PFKFB1: variants seen among roughly 807,000 people sequenced by gnomAD.
The protein encoded by PFKFB1 is 6-phosphofructo-2-kinase/fructose-2,6-biphosphatase 1, also known as 6-phosphofructo-2-kinase/fructose-2,6-bisphosphatase 1.
A neutral mutation model predicts 46.4 loss-of-function variants in PFKFB1; 34 were observed. The ratio of observed to expected loss-of-function variants is 0.73; its 90% CI spans 0.56 to 0.98. The LOEUF (loss-of-function observed/expected upper bound fraction) is 0.98. Among genes scored for constraint, PFKFB1 ranks in the 50% least tolerant of loss-of-function variants. The pLI is 0.00. For missense variants in PFKFB1, 393 were observed against 376.3 expected, an observed-to-expected ratio of 1.04 and a Z score of -0.37; for synonymous variants, 119 against 133.8, an observed-to-expected ratio of 0.89 and a Z score of 0.76.
chrX:54,933,528 C>G, intron 13 of PFKFB1, 66 bp from the exon 14 acceptor site: 2 of 885,522 alleles, frequency 2.3e-6, no homozygotes, highest in Non-Finnish European at 1.7e-6. Context: ...TCTCCCCTGC[C>G]TCTTGTCTTC....
Position 54,949,217 on chromosome X carries a change from G to A in PFKFB1, c.851C>T (p.Ala284Val). Residue 284 changes from alanine (A) to valine (V), a missense_variant, in exon 9 of 14, where the codon GCC becomes GTC. Ala to Val is a moderately conservative substitution (Grantham distance 64). Transcript: ENST00000375006. ...CTGAATGAAGTTGGCCAGGGCATAG[G>A]CATACTAGGATGTGGGGATGCAGAG... ...SGLSVRGKQYAYALANFIQSQ... is the reference protein window; with the variant it reads ...SGLSVRGKQYVYALANFIQSQ... 8.3e-7 allele frequency: 1 copy of A among 1,198,126 alleles called. No homozygotes were observed. The highest frequency in any genetic ancestry group is 1.1e-6 in the Non-Finnish European group (1 of 886,826).
chrX:54,935,601 GC>G (rs773589385), intron 11 of PFKFB1, among the ~76,000 whole-genome samples: 285 of 112,554 alleles, frequency 2.5e-3, no homozygotes, highest in African/African-American at 8.6e-3. Context: ...TCTCAGGCAA[GC>G]CCAAGAGGTG....
In PFKFB1 at chrX:54,963,275, T is replaced by G. The variant is rs1241263594; in HGVS notation, c.205A>C (p.Ile69Leu). Residue 69 changes from isoleucine (I) to leucine (L), a missense_variant, in exon 2 of 14, where the codon ATA (isoleucine) becomes CTA (leucine). By Grantham distance (5) the Ile-to-Leu change is conservative. Coordinates refer to ENST00000375006, the MANE Select transcript of PFKFB1 (RefSeq NM_002625.4). ...STKLTRYLNW[I>L]GTPTKVFNLG... is the part of the protein sequence containing the mutation. ...GACATACCTTTAGTTGGTGTTCCTA[T>G]CCAGTTGAGATATCGTGTGAGCTTT... 3 of 1,210,201 alleles carry G rather than the reference T, an allele frequency of 2.5e-6. No individual in the cohort carries two copies. Among genetic ancestry groups the G allele is most frequent in the Non-Finnish European group, 3.4e-6 (3 of 894,214 alleles).
At position 54,994,083 on chromosome X, in the gene PFKFB1, C is replaced by T; in HGVS notation, c.-76G>A. The T allele has an allele frequency of 1.5e-5, 17 of 1,152,396 alleles. No homozygotes were observed. The highest frequency in any genetic ancestry group is 2.0e-5 in the Non-Finnish European group (17 of 864,853). The allele number at this position is 1,152,396 out of a possible 1,213,427, so 95.0% of individuals were successfully genotyped here. On this transcript the variant is annotated 5_prime_UTR_variant, in exon 1 of 14. Transcript: ENST00000375006. ...CTTCCTATCTTACTAGCTGTCTTTT[C>T]TCTCGCTGTGGCCACAGCAGCAGGT...
chrX:54,977,409 T>C (rs4421487), intron 1 of PFKFB1, among the ~76,000 whole-genome samples: 10,535 of 108,654 alleles, frequency 0.097, 606 homozygotes, highest in Non-Finnish European at 0.15. Flanking sequence ...AATAAATAAA[T>C]AAACAAACAA....
chrX:54,992,011 C>G (rs1371368144), intron 1 of PFKFB1, among the ~76,000 whole-genome samples: 1 of 111,905 alleles, frequency 8.9e-6, no homozygotes, highest in East Asian at 2.8e-4. Context: ...ACTGGCCTCC[C>G]TAGCAAGAAG....
chrX:54,996,962 C>T (rs1268442307), upstream of PFKFB1, among the ~76,000 whole-genome samples: 3 of 111,172 alleles, frequency 2.7e-5, no homozygotes, highest in African/African-American at 9.8e-5. Flanking sequence ...AGCAAGTATC[C>T]ACCAGTATTT....
At chrX:54,980,550 C>T (rs1201692857) in intron 1 of PFKFB1, among the ~76,000 whole-genome samples, 5 of 110,431 alleles carry the variant, frequency 4.5e-5, no homozygotes, top group Non-Finnish European at 7.6e-5. Context: ...ACGTAATCAG[C>T]GGGTGAAGAA....
At position 54,973,801 on chromosome X, in the gene PFKFB1, A is replaced by C. The variant is rs1201594042; in HGVS notation, c.98-10419T>G. Among the ~76,000 whole-genome samples, 3 of 111,620 alleles carry C rather than the reference A, an allele frequency of 2.7e-5. No homozygotes were observed. In the East Asian group the frequency reaches 8.4e-4, roughly 31 times the overall value. On this transcript the variant is annotated intron_variant, in intron 1 of 13. Transcript: ENST00000375006. ...GGAATAGGTGTGGTGTGGTGCTGGA[A>C]AAAATGTATATTCTGTTGATTTGGG...
chrX:54,989,771 T>C (rs1414416479), intron 1 of PFKFB1, among the ~76,000 whole-genome samples: 4 of 111,887 alleles, frequency 3.6e-5, no homozygotes, highest in Non-Finnish European at 5.6e-5. Context: ...CACTGATCTA[T>C]CAAAACAGAA....
intron 1 of PFKFB1, 22 bp from the exon 2 acceptor site, chrX:54,963,404 A>C (rs1338851506): frequency 8.3e-7 from 1 of 1,205,019 alleles, no homozygotes; most frequent in Admixed American, 2.2e-5. Flanking sequence ...ACAGACCCTC[A>C]AAAGCTTATC....
chrX:54,940,403 AGG>A (rs1933577832), intron 10 of PFKFB1, among the ~76,000 whole-genome samples: 1 of 111,842 alleles, frequency 8.9e-6, no homozygotes, highest in African/African-American at 3.3e-5. Flanking sequence ...GCAGTCAGGC[AGG>A]AGAGAGAAAT....
chrX:54,935,056 G>C, intron 11 of PFKFB1, 47 bp from the exon 12 acceptor site: 1 of 995,869 alleles, frequency 1.0e-6, no homozygotes, highest in Non-Finnish European at 1.4e-6. Context: ...TGCTGGCCAG[G>C]ACACAGCCTC....
chrX:54,959,880 C>T lies in PFKFB1; in HGVS notation c.331G>A (p.Ala111Thr), dbSNP rs1934259137. 4.2e-6 allele frequency: 5 copies of T among 1,198,653 alleles called. No individual in the cohort carries two copies. Among genetic ancestry groups the T allele is most frequent in the African/African-American group, 3.5e-5 (2 of 57,051 alleles). Residue 111 changes from alanine (A) to threonine (T), a missense_variant, in exon 4 of 14, where the codon GCA becomes ACA. Transcript: ENST00000375006. The stretch of plus-strand genomic sequence containing the variant: ...TAGTTGTGAACATCCTTCAGGGCTG[C>T]CAGGGCGCACTGCCTGAAATAGACC... Reference protein sequence around the residue: ...ALQIRKQCALAALKDVHNYLS... With the variant: ...ALQIRKQCALTALKDVHNYLS...
intron 9 of PFKFB1, among the ~76,000 whole-genome samples, 158 bp from the exon 10 acceptor site, chrX:54,945,701 C>CGTGTGT (rs72018084): frequency 9.8e-4 from 100 of 101,768 alleles, no homozygotes; most frequent in African/African-American, 3.5e-3. Context: ...AGTGTGTATG[C>CGTGTGT]GTGTGTGTGT....
intron 1 of PFKFB1, among the ~76,000 whole-genome samples, chrX:54,975,397 G>A (rs533311239): frequency 9.0e-6 from 1 of 110,575 alleles, no homozygotes; most frequent in South Asian, 3.9e-4. Flanking sequence ...ACCAAATATT[G>A]TTATGTTCTC....
intron 1 of PFKFB1, among the ~76,000 whole-genome samples, chrX:54,966,355 T>C (rs1934474644): frequency 8.9e-6 from 1 of 112,105 alleles, no homozygotes; most frequent in Admixed American, 9.5e-5. Flanking sequence ...ACTAAACAAT[T>C]GCAAATTCAA....
intron 2 of PFKFB1, among the ~76,000 whole-genome samples, chrX:54,961,411 T>C (rs1253296080): frequency 9.0e-6 from 1 of 111,637 alleles, no homozygotes; most frequent in Non-Finnish European, 1.9e-5. Flanking sequence ...TTTATTTTTC[T>C]ATATTATGAG....
At chrX:54,940,018 C>A (rs1933561959) in intron 10 of PFKFB1, among the ~76,000 whole-genome samples, 1 of 111,881 alleles carries the variant, frequency 8.9e-6, no homozygotes, top group African/African-American at 3.3e-5. Flanking sequence ...CCGAATCCAG[C>A]AACACATCAA....
Sources: gnomAD v4.1 joint callset for allele counts (sites outside exome capture counted in the v4.1 genomes callset) on GRCh38, gnomAD v4.1.1 for gene constraint, MANE v1.5 for transcripts, NCBI Gene and HGNC (gene_info 2026-07-23, HGNC 2026-07-21) for gene names.